The following SH3BP2 variants were observed in gnomAD, a reference collection of about 807,000 sequenced individuals.
SH3BP2 encodes SH3 domain binding protein 2, also known as SH3 domain-binding protein 2.
Under a neutral mutation model 56.2 loss-of-function variants are expected in SH3BP2, and 38 were observed. That is an observed-to-expected ratio of 0.68 (90% confidence interval 0.52 to 0.89). The LOEUF is 0.89. Ranked by LOEUF, SH3BP2 falls within the 40% of genes least tolerant of loss-of-function variation. The pLI is 0.00. For missense variants in SH3BP2, 748 were observed against 762.6 expected (o/e 0.98, Z 0.23); for synonymous variants, 346 against 316.7 (o/e 1.09, Z -0.98).
intron 2 of SH3BP2, among the ~76,000 whole-genome samples, chr4:2,821,683 C>T (rs957274601): frequency 2.6e-5 from 4 of 152,068 alleles, no homozygotes; most frequent in African/African-American, 7.3e-5. Flanking sequence ...GCTGGGACTA[C>T]AGGCATGCCA....
Position 2,838,632 on chromosome 4 carries a change from T to G in SH3BP2, c.*4798T>G, listed in dbSNP as rs547968452. 7.9e-6 allele frequency: 1 copy of G among 127,108 alleles called. No homozygotes were observed. The highest frequency in any genetic ancestry group is 1.7e-5 in the Non-Finnish European group (1 of 57,592). 7.9% of individuals were successfully genotyped at this position (127,108 alleles called of 1,614,324 possible). A position where few individuals can be genotyped will look rare whatever the true frequency, so the allele number is the denominator to read the frequency against. On this transcript the variant is annotated 3_prime_UTR_variant, in exon 13 of 13. Transcript: ENST00000503393. ...CTTTCTTAAAACATTATAAAGATTT[T>G]TGTTTGCGATTTTTTTTTTTAGCTC...
chr4:2,807,972 G>A (rs768142548), intron 1 of SH3BP2, among the ~76,000 whole-genome samples: 3 of 152,172 alleles, frequency 2.0e-5, no homozygotes, highest in East Asian at 1.9e-4. Flanking sequence ...TGACAGGCAC[G>A]CCCACACTCG....
chr4:2,816,979 T>C (rs1368190034), intron 1 of SH3BP2, among the ~76,000 whole-genome samples: 1 of 152,232 alleles, frequency 6.6e-6, no homozygotes, highest in African/African-American at 2.4e-5. Flanking sequence ...TTCTGGAAGT[T>C]TGTGAAGGAT....
At position 2,834,134 on chromosome 4, in the gene SH3BP2, G is replaced by T. The variant is rs889137049; in HGVS notation, c.*300G>T. 1 of 390,840 alleles carries T rather than the reference G, an allele frequency of 2.6e-6. No individual in the cohort carries two copies. The highest frequency in any genetic ancestry group is 4.7e-6 in the Non-Finnish European group (1 of 212,644). 24.2% of individuals were successfully genotyped at this position (390,840 alleles called of 1,614,324 possible). On this transcript the variant is annotated 3_prime_UTR_variant, in exon 13 of 13. Coordinates refer to ENST00000503393, the MANE Select transcript of SH3BP2 (RefSeq NM_001122681.2). ...CCTGGGCTCCAAGGACAGGAACACT[G>T]GTCCCCCCATCACACTCACCCCTAA...
At chr4:2,821,450 A>G (rs1724300731) in intron 2 of SH3BP2, among the ~76,000 whole-genome samples, 1 of 152,160 alleles carries the variant, frequency 6.6e-6, no homozygotes, top group Non-Finnish European at 1.5e-5. Flanking sequence ...CCAGCCTGGG[A>G]CAGGGCTGGG....
Position 2,812,256 on chromosome 4 carries a change from C to T in SH3BP2, c.-4-8358C>T, listed in dbSNP as rs764822978. 121 of 1,534,936 alleles carry T rather than the reference C, an allele frequency of 7.9e-5. 1 individual carries two copies. The highest frequency in any genetic ancestry group is 7.8e-4 in the African/African-American group (57 of 72,852). On this transcript the variant is annotated intron_variant, in intron 1 of 12. Coordinates refer to ENST00000503393, the MANE Select transcript of SH3BP2 (RefSeq NM_001122681.2). ...CCAGGGAGCAGGGAACAGGAAGTCCCGGGTGGGGAGGAAGCACCGGCGGCC... is the reference window on the plus strand; with the variant it reads ...CCAGGGAGCAGGGAACAGGAAGTCCTGGGTGGGGAGGAAGCACCGGCGGCC...
In SH3BP2 at chr4:2,830,009, C is replaced by A. The variant is rs781072584; in HGVS notation, c.1103C>A (p.Pro368Gln). ...KFLKIAEEDP[P>Q]REAAMPGLFV... ...CTGAAGATAGCTGAAGAGGACCCCC[C>A]AAGGGAGGCAGCCATGCCCGGACTC... Residue 368 changes from proline (P) to glutamine (Q), a missense_variant, in exon 8 of 13, where the codon CCA (proline) becomes CAA (glutamine). By Grantham distance (76) the Pro-to-Gln change is moderately conservative. Coordinates refer to ENST00000503393, the MANE Select transcript of SH3BP2 (RefSeq NM_001122681.2). The A allele has an allele frequency of 1.2e-5, 20 of 1,612,932 alleles. No homozygotes were observed. The highest frequency in any genetic ancestry group is 1.6e-4 in the Middle Eastern group (1 of 6,084).
chr4:2,823,622 C>A, intron 3 of SH3BP2: 1 of 428,524 alleles, frequency 2.3e-6, no homozygotes, highest in South Asian at 1.7e-5. Context: ...ACTGGCACAG[C>A]CCATGGCCTG....
chr4:2,801,263 C>A (rs554767325), intron 1 of SH3BP2, among the ~76,000 whole-genome samples: 6 of 152,074 alleles, frequency 3.9e-5, no homozygotes, highest in African/African-American at 1.4e-4. Context: ...GGCCTGGGAA[C>A]GTTCAGGTCA....
Position 2,795,098 on chromosome 4 carries a change from TA to T in SH3BP2, c.-5+1961del, listed in dbSNP as rs765806177. ...CCTGGTGGGTGGCTATGAGTGTCCG[TA>T]GGGGGGATGGTGGTGGTGGTGACAT... On this transcript the variant is annotated intron_variant, in intron 1 of 12. Coordinates refer to ENST00000503393, the MANE Select transcript of SH3BP2 (RefSeq NM_001122681.2). Among the ~76,000 whole-genome samples, 8 of 152,050 alleles carry T rather than the reference TA, an allele frequency of 5.3e-5. No homozygotes were observed. In the East Asian group the frequency reaches 5.8e-4, roughly 11 times the overall value.
intron 1 of SH3BP2, among the ~76,000 whole-genome samples, chr4:2,807,712 G>A (rs146861039): frequency 7.6e-4 from 115 of 152,306 alleles, no homozygotes; most frequent in African/African-American, 2.5e-3. Context: ...AACCAACCTC[G>A]CTGCTGCGCC....
intron 3 of SH3BP2, 151 bp downstream of exon 3, chr4:2,823,188 G>C: frequency 1.5e-6 from 1 of 687,024 alleles, no homozygotes; most frequent in Non-Finnish European, 2.7e-6. Context: ...TCCCCGCCCA[G>C]CCTCCACAGT....
chr4:2,833,351 C>G (rs1577373208), intron 12 of SH3BP2: 1 of 573,660 alleles, frequency 1.7e-6, no homozygotes, highest in Non-Finnish European at 3.1e-6. Context: ...CTTTCTCAGG[C>G]TGGTTTCAAA....
intron 1 of SH3BP2, chr4:2,793,787 C>T (rs1722974808): frequency 6.6e-6 from 1 of 152,208 alleles, no homozygotes; most frequent in Non-Finnish European, 1.5e-5. Flanking sequence ...GCGTCTGAGA[C>T]TCTCATGGGC....
chr4:2,832,936 G>A, intron 11 of SH3BP2, 54 bp from the exon 12 acceptor site: 2 of 1,573,066 alleles, frequency 1.3e-6, no homozygotes, highest in Non-Finnish European at 1.7e-6. Context: ...GGTCTCCCGA[G>A]GCTGGTCCCG....
chr4:2,811,205 AC>A (rs2108712136), intron 1 of SH3BP2, among the ~76,000 whole-genome samples: 1 of 152,174 alleles, frequency 6.6e-6, no homozygotes, highest in South Asian at 2.1e-4. Context: ...TTTTTGAGTG[AC>A]CCGACACCTA....
chr4:2,818,478 GGCCGC>G, intron 1 of SH3BP2: 1 of 741,560 alleles, frequency 1.3e-6, no homozygotes, highest in Non-Finnish European at 1.7e-6. Context: ...CCTGGACCAG[GGCCGC>G]GAGCCCCGGG....
At chr4:2,796,686 G>A (rs1233849718) in intron 1 of SH3BP2, 1 of 153,390 alleles carries the variant, frequency 6.5e-6, no homozygotes, top group Non-Finnish European at 1.4e-5. Context: ...TTGTGAATCA[G>A]ATGTTTACTG....
Position 2,837,792 on chromosome 4 carries a change from ACTGCCTGCTGAGGGGG to A in SH3BP2, c.*3960_*3975del, listed in dbSNP as rs1725287016. 6.6e-6 allele frequency: 1 copy of A among 152,274 alleles called. No homozygotes were observed. Among genetic ancestry groups the A allele is most frequent in the Non-Finnish European group, 1.5e-5 (1 of 68,144 alleles). 9.4% of individuals were successfully genotyped at this position (152,274 alleles called of 1,614,324 possible). Reference sequence around the variant, plus strand: ...TGCACGCCCTGTTCCCTCCACCTAGACTGCCTGCTGAGGGGGCAGTGCCAGGAGGTTGCCTGTCCTT... The same window carrying A: ...TGCACGCCCTGTTCCCTCCACCTAGACAGTGCCAGGAGGTTGCCTGTCCTT... On this transcript the variant is annotated 3_prime_UTR_variant, in exon 13 of 13. Transcript: ENST00000503393.
Sources: gnomAD v4.1 joint callset for allele counts (sites outside exome capture counted in the v4.1 genomes callset) on GRCh38, gnomAD v4.1.1 for gene constraint, MANE v1.5 for transcripts, NCBI Gene and HGNC (gene_info 2026-07-23, HGNC 2026-07-21) for gene names.